MBD5: variants seen among roughly 807,000 people sequenced by gnomAD.
The protein encoded by MBD5 is methyl-CpG-binding domain protein 5.
MBD5 carries 13 observed loss-of-function variants against 117.3 expected under a neutral mutation model. The observed-to-expected ratio is 0.11, with a 90% CI of 0.07 to 0.18. The LOEUF (loss-of-function observed/expected upper bound fraction) is 0.18, where lower values mean the gene tolerates loss of function less well. Among genes scored for constraint, MBD5 ranks in the 10% least tolerant of loss-of-function variants. The probability of loss-of-function intolerance (pLI) is 1.00; values close to 1 mark genes in which losing one functional copy is unlikely to be tolerated. For synonymous variants in MBD5, 727 were observed against 766.4 expected, an observed-to-expected ratio of 0.95 and a Z score of 0.85; for missense variants, 1,879 against 2,093.8, an observed-to-expected ratio of 0.90 and a Z score of 2.00.
intron 3 of MBD5, among the ~76,000 whole-genome samples, chr2:148,323,563 C>T (rs1406130969): frequency 2.2e-4 from 34 of 152,080 alleles, no homozygotes; most frequent in Middle Eastern, 3.4e-3. Flanking sequence ...TGGTATCTCA[C>T]TGTGGTTTTG....
At chr2:148,303,737 A>C (rs888624909) in intron 3 of MBD5, among the ~76,000 whole-genome samples, 2 of 152,240 alleles carry the variant, frequency 1.3e-5, no homozygotes, top group Admixed American at 1.3e-4. Context: ...CTACCAGTAG[A>C]TTGTAATACA....
intron 3 of MBD5, among the ~76,000 whole-genome samples, chr2:148,284,513 G>A (rs563046557): frequency 5.3e-5 from 8 of 152,188 alleles, no homozygotes; most frequent in African/African-American, 1.9e-4. Flanking sequence ...TCCTTGACTC[G>A]GTGCATGGCT....
chr2:148,417,288 C>CTTTTTTTTTTTT (rs745409695), intron 4 of MBD5, among the ~76,000 whole-genome samples: 89 of 91,790 alleles, frequency 9.7e-4, no homozygotes, highest in East Asian at 1.7e-3. Context: ...ATGCACAGCT[C>CTTTTTTTTTTTT]TTTTTTTTTT....
At chr2:148,069,097 G>GA (rs950163005) in intron 1 of MBD5, among the ~76,000 whole-genome samples, 1 of 151,908 alleles carries the variant, frequency 6.6e-6, no homozygotes, top group Non-Finnish European at 1.5e-5. Flanking sequence ...GGATACATGA[G>GA]AAAAAAAATT....
intron 1 of MBD5, among the ~76,000 whole-genome samples, chr2:148,050,788 A>C (rs1431943076): frequency 6.6e-6 from 1 of 151,996 alleles, no homozygotes; most frequent in East Asian, 1.9e-4. Context: ...TCAATACTAC[A>C]CTGTTTTGAT....
At chr2:148,493,831 A>G (rs1382189169) in intron 11 of MBD5, among the ~76,000 whole-genome samples, 1 of 152,228 alleles carries the variant, frequency 6.6e-6, no homozygotes, top group Non-Finnish European at 1.5e-5. Context: ...CTGTATAAAC[A>G]CAGTCTGCAG....
chr2:148,342,684 A>G (rs1356210497), intron 4 of MBD5, among the ~76,000 whole-genome samples: 1 of 151,948 alleles, frequency 6.6e-6, no homozygotes, highest in African/African-American at 2.4e-5. Flanking sequence ...TTATGACTAG[A>G]CACCATAGGG....
chr2:148,318,812 G>A (rs1457534244), intron 3 of MBD5, among the ~76,000 whole-genome samples: 3 of 152,064 alleles, frequency 2.0e-5, no homozygotes, highest in African/African-American at 4.8e-5. Context: ...TGCCTCCTGC[G>A]TTCAAGTGTT....
intron 1 of MBD5, among the ~76,000 whole-genome samples, chr2:148,117,195 A>G (rs1384804208): frequency 6.6e-6 from 1 of 152,146 alleles, no homozygotes; most frequent in East Asian, 1.9e-4. Context: ...AGCTGAAAAA[A>G]GGCATCTCTA....
intron 3 of MBD5, among the ~76,000 whole-genome samples, chr2:148,315,252 C>T (rs745688685): frequency 1.3e-5 from 2 of 152,172 alleles, no homozygotes; most frequent in Non-Finnish European, 2.9e-5. Context: ...TGAAATCCCT[C>T]TTACGGTCCC....
At chr2:148,162,091 G>T (rs1312417417) in intron 1 of MBD5, among the ~76,000 whole-genome samples, 2 of 152,188 alleles carry the variant, frequency 1.3e-5, no homozygotes, top group Non-Finnish European at 2.9e-5. Flanking sequence ...GCTAGTAGAA[G>T]CCACTAGGGG....
chr2:148,443,238 G>A (rs1451349156), intron 4 of MBD5, among the ~76,000 whole-genome samples: 1 of 151,016 alleles, frequency 6.6e-6, no homozygotes, highest in Non-Finnish European at 1.5e-5. Flanking sequence ...CAAAAGTCAG[G>A]CAATGAATGC....
At chr2:148,432,479 T>C (rs1265322068) in intron 4 of MBD5, among the ~76,000 whole-genome samples, 5 of 152,168 alleles carry the variant, frequency 3.3e-5, no homozygotes, top group African/African-American at 9.7e-5. Context: ...TAGGTTATCT[T>C]TCAGGGATTT....
intron 1 of MBD5, among the ~76,000 whole-genome samples, chr2:148,093,719 T>G (rs1168584771): frequency 6.6e-6 from 1 of 152,154 alleles, no homozygotes; most frequent in South Asian, 2.1e-4. Context: ...ATTTAAATAT[T>G]CAGATATTGA....
chr2:148,102,729 CAGAG>C (rs70992193), intron 1 of MBD5, among the ~76,000 whole-genome samples: 11,969 of 101,448 alleles, frequency 0.12, 463 homozygotes, highest in African/African-American at 0.17. Context: ...CACACACACA[CAGAG>C]AGAGAGAGAG....
chr2:148,107,172 G>A (rs998998193), intron 1 of MBD5, among the ~76,000 whole-genome samples: 1 of 151,972 alleles, frequency 6.6e-6, no homozygotes, highest in Admixed American at 6.6e-5. Context: ...TTTTGAGGGG[G>A]CATAGAATTT....
chr2:148,088,402 C>T (rs769942304), intron 1 of MBD5, among the ~76,000 whole-genome samples: 19 of 152,072 alleles, frequency 1.2e-4, no homozygotes, highest in African/African-American at 2.9e-4. Context: ...CCCAAGCACA[C>T]GGTCATCAGG....
intron 3 of MBD5, among the ~76,000 whole-genome samples, chr2:148,249,003 ACT>A (rs2106234470): frequency 1.3e-5 from 2 of 152,260 alleles, no homozygotes; most frequent in African/African-American, 4.8e-5. Context: ...GTAAATATCA[ACT>A]CTAAGTGGAA....
rs1680666184 is a variant in MBD5, at chr2:148,468,482, G to A, written c.539G>A (p.Arg180Lys). The A allele has an allele frequency of 6.2e-7, 1 of 1,613,860 alleles. No individual in the cohort carries two copies. The highest frequency in any genetic ancestry group is 8.5e-7 in the Non-Finnish European group (1 of 1,179,862). ...ATTGGATCATCAAATGCCATGGGAA[G>A]GCTATATGTACAAGAACTGCCTGGA... is the stretch of plus-strand genomic sequence containing the variant. ...LMIGSSNAMG[R>K]LYVQELPGSQ... is the part of the protein sequence containing the mutation. Residue 180 changes from arginine to lysine, a missense_variant, in exon 8 of 14, where the codon AGG (arginine) becomes AAG (lysine). Physicochemically the swap from Arg to Lys is conservative, Grantham distance 26. This residue lies in a region of MBD5 where 1,666 missense variants were observed against 1,792.2 expected (regional missense o/e 0.93). Coordinates refer to ENST00000642680, the MANE Select transcript of MBD5 (RefSeq NM_001378120.1).
Sources: gnomAD v4.1 joint callset for allele counts (sites outside exome capture counted in the v4.1 genomes callset) on GRCh38, gnomAD v4.1.1 for gene constraint, gnomAD v4.1.1 regional missense constraint, MANE v1.5 for transcripts, NCBI Gene and HGNC (gene_info 2026-07-23, HGNC 2026-07-21) for gene names.